SORCS1: variants seen among roughly 807,000 people sequenced by gnomAD.
SORCS1 encodes VPS10 domain-containing receptor SorCS1.
Under a neutral mutation model 146.1 loss-of-function variants are expected in SORCS1, and 60 were observed. The observed-to-expected ratio is 0.41, with a 90% CI of 0.33 to 0.51. The LOEUF (loss-of-function observed/expected upper bound fraction) is 0.51. SORCS1 is among the 20% of genes least tolerant of loss of function. The probability of loss-of-function intolerance (pLI) is 0.21; values close to 1 mark genes in which losing one functional copy is unlikely to be tolerated. For missense variants in SORCS1, 1,352 were observed against 1,487.6 expected, an observed-to-expected ratio of 0.91 and a Z score of 1.50; for synonymous variants, 637 against 584.0, an observed-to-expected ratio of 1.09 and a Z score of -1.31.
In SORCS1 at chr10:106,960,439, T is replaced by C. The variant is rs1221007710; in HGVS notation, c.559-3859A>G. On this transcript the variant is annotated intron_variant, in intron 1 of 25. Transcript: ENST00000263054. The surrounding 1 kb of genome is among the most constrained non-coding windows in gnomAD (Gnocchi z 4.4). ...TTTTTTTTTTGAGATGGAATCTCGCTCTGTCGCCAGGCTGGAGTGCAGTGG... is the reference window on the plus strand; with the variant it reads ...TTTTTTTTTTGAGATGGAATCTCGCCCTGTCGCCAGGCTGGAGTGCAGTGG... Among the ~76,000 whole-genome samples, 2 of 151,612 alleles carry C rather than the reference T, an allele frequency of 1.3e-5. No individual in the cohort carries two copies. The highest frequency in any genetic ancestry group is 2.9e-5 in the Non-Finnish European group (2 of 67,930).
rs1056963756 is a variant in SORCS1 at position 106,579,331 on chromosome 10, G to A, written c.3371+38C>T. On this transcript the variant is annotated intron_variant, in intron 25 of 25. Coordinates refer to ENST00000263054, the MANE Select transcript of SORCS1 (RefSeq NM_052918.5). ...CTGAACCTGTCAGGGAGAAGGAAGA[G>A]GTCAGGGGTGGGGGAACGTGGATAG... 1.5e-5 allele frequency: 25 copies of A among 1,613,910 alleles called. No individual in the cohort carries two copies. In the Middle Eastern group the frequency reaches 9.9e-4, roughly 64 times the overall value.
chr10:106,854,185 C>G (rs1441364696), intron 2 of SORCS1, among the ~76,000 whole-genome samples: 1 of 152,022 alleles, frequency 6.6e-6, no homozygotes, highest in Admixed American at 6.6e-5. Flanking sequence ...ATTGACTCCC[C>G]TTTATCATTA....
intron 2 of SORCS1, among the ~76,000 whole-genome samples, chr10:106,929,295 T>C (rs1250301097): frequency 6.6e-6 from 1 of 152,176 alleles, no homozygotes; most frequent in Non-Finnish European, 1.5e-5. Flanking sequence ...CTTTCCACTA[T>C]ACATTTTATG....
chr10:106,733,093 GT>G (rs1856714613), intron 5 of SORCS1, among the ~76,000 whole-genome samples: 1 of 131,224 alleles, frequency 7.6e-6, no homozygotes, highest in African/African-American at 2.9e-5. Context: ...GGGCGACAAA[GT>G]GATACTCCAT....
intron 2 of SORCS1, among the ~76,000 whole-genome samples, chr10:106,953,063 G>T (rs1954771019): frequency 1.3e-5 from 2 of 151,956 alleles, no homozygotes; most frequent in Non-Finnish European, 2.9e-5. Flanking sequence ...CATACCTGAA[G>T]TAGTCACACC....
chr10:106,916,981 A>T (rs555972362), intron 2 of SORCS1, among the ~76,000 whole-genome samples: 1 of 152,130 alleles, frequency 6.6e-6, no homozygotes, highest in East Asian at 1.9e-4. Flanking sequence ...GACCTCAGAT[A>T]ATCTGCCCGC....
At chr10:106,982,317 A>C (rs1421885205) in intron 1 of SORCS1, among the ~76,000 whole-genome samples, 2 of 152,194 alleles carry the variant, frequency 1.3e-5, no homozygotes, top group Non-Finnish European at 2.9e-5. Flanking sequence ...TAGCTAAGTA[A>C]ATATTGACAT....
At chr10:106,714,823 T>C (rs1468854974) in intron 6 of SORCS1, among the ~76,000 whole-genome samples, 1 of 152,148 alleles carries the variant, frequency 6.6e-6, no homozygotes, top group Non-Finnish European at 1.5e-5. Context: ...CTGTCTCTAA[T>C]CTCTCTGCTT....
intron 4 of SORCS1, 46 bp from the exon 5 acceptor site, chr10:106,761,707 C>G: frequency 2.7e-6 from 4 of 1,469,130 alleles, no homozygotes; most frequent in Non-Finnish European, 3.8e-6. Flanking sequence ...TATAGTACAT[C>G]AAATACACAA....
rs373950688 is a variant in SORCS1 at position 106,737,673 on chromosome 10, C to T, written c.960-7559G>A. On this transcript the variant is annotated intron_variant, in intron 5 of 25. Coordinates refer to ENST00000263054, the MANE Select transcript of SORCS1 (RefSeq NM_052918.5). ...TCAGGAGGCAGGGGTTGCAGTGAGC[C>T]GAAATCATGCCACTGCACTCCCCTA... 3.7e-3 allele frequency among the ~76,000 whole-genome samples: 555 copies of T among 152,052 alleles called. 8 individuals are homozygous for T. The highest frequency in any genetic ancestry group is 0.013 in the African/African-American group (535 of 41,498).
intron 3 of SORCS1, among the ~76,000 whole-genome samples, chr10:106,791,242 G>A (rs906293505): frequency 6.6e-6 from 1 of 152,026 alleles, no homozygotes; most frequent in African/African-American, 2.4e-5. Context: ...ATTTTTATTG[G>A]TGATATAGTA....
chr10:106,716,906 C>T (rs751164267), intron 6 of SORCS1, among the ~76,000 whole-genome samples: 3 of 152,056 alleles, frequency 2.0e-5, no homozygotes, highest in Non-Finnish European at 2.9e-5. Flanking sequence ...GATGCCGAGG[C>T]GGGTGGATCA....
upstream of SORCS1, among the ~76,000 whole-genome samples, chr10:107,167,076 GT>G (rs1221636684): frequency 2.6e-5 from 4 of 152,222 alleles, no homozygotes; most frequent in Admixed American, 2.6e-4. Context: ...GAGCAGGCAA[GT>G]TTTTAATGCC....
chr10:106,882,720 A>C (rs1200079137), intron 2 of SORCS1, among the ~76,000 whole-genome samples: 1 of 152,150 alleles, frequency 6.6e-6, no homozygotes, highest in Admixed American at 6.6e-5. Context: ...GGACAAAAAC[A>C]CAAAAACAAA....
At chr10:106,600,813 C>T (rs1846190416) in intron 23 of SORCS1, 15 of 644,814 alleles carry the variant, frequency 2.3e-5, no homozygotes, top group Non-Finnish European at 2.7e-5. Context: ...AGGGTATCTC[C>T]ATTAAAAATA....
intron 24 of SORCS1, among the ~76,000 whole-genome samples, chr10:106,585,987 A>G (rs1161744399): frequency 1.3e-5 from 2 of 152,246 alleles, no homozygotes; most frequent in African/African-American, 4.8e-5. Flanking sequence ...AGACAAGTGA[A>G]TGTAGATAAG....
chr10:107,038,766 T>C (rs1022249194), intron 1 of SORCS1, among the ~76,000 whole-genome samples: 1 of 152,178 alleles, frequency 6.6e-6, no homozygotes, highest in Admixed American at 6.5e-5. Flanking sequence ...TTATACTCTG[T>C]CTTTTAATCC....
chr10:107,093,106 A>G (rs1209584619), intron 1 of SORCS1, among the ~76,000 whole-genome samples: 2 of 152,164 alleles, frequency 1.3e-5, no homozygotes, highest in Non-Finnish European at 2.9e-5. Context: ...ATTGCTAGTA[A>G]GCACTCAAAC....
intron 2 of SORCS1, among the ~76,000 whole-genome samples, chr10:106,948,071 T>C (rs541656348): frequency 7.7e-4 from 117 of 152,314 alleles, no homozygotes; most frequent in Admixed American, 1.7e-3. Context: ...CCAAGAGTCA[T>C]TGGTAAGTGA....
Sources: allele counts gnomAD v4.1 joint callset (sites outside exome capture counted in the v4.1 genomes callset), GRCh38; gene constraint gnomAD v4.1.1; non-coding constraint Gnocchi (gnomAD v3.1); transcripts MANE v1.5; gene names NCBI Gene and HGNC (gene_info 2026-07-23, HGNC 2026-07-21).